HERPUD2: variants seen among roughly 807,000 people sequenced by gnomAD.
HERPUD2 encodes the protein homocysteine-responsive endoplasmic reticulum-resident ubiquitin-like domain member 2 protein.
HERPUD2 carries 13 observed loss-of-function variants against 49.9 expected under a neutral mutation model. That is an observed-to-expected ratio of 0.26 (90% confidence interval 0.17 to 0.41). HERPUD2 has a LOEUF of 0.41. Among genes scored for constraint, HERPUD2 ranks in the 10% least tolerant of loss-of-function variants. The pLI is 1.00. For missense variants in HERPUD2, 449 were observed against 492.2 expected (o/e 0.91, Z 0.83); for synonymous variants, 172 against 171.4 (o/e 1.00, Z -0.03).
At chr7:35,672,929 C>T (rs558594458) in intron 3 of HERPUD2, among the ~76,000 whole-genome samples, 4 of 152,168 alleles carry the variant, frequency 2.6e-5, no homozygotes, top group Admixed American at 1.3e-4. Flanking sequence ...ACACTACTGA[C>T]GTCAATAGCA....
Position 35,638,470 on chromosome 7 carries a change from T to C in HERPUD2, c.497A>G (p.Asn166Ser). ...TTGCCCAGGAAATTGGTTGTCTACA[T>C]TTCTGCAAGAAATAAATAATGAGCT... ...SHQFPYVMQG[N>S]VDNQFPGQAA... is the part of the protein sequence containing the mutation. Residue 166 changes from asparagine (N) to serine (S), a missense_variant and splice_region_variant, in exon 6 of 9, where the codon AAT becomes AGT. Coordinates refer to ENST00000311350, the MANE Select transcript of HERPUD2 (RefSeq NM_022373.5). 1 of 1,611,826 alleles carries C rather than the reference T, an allele frequency of 6.2e-7. No homozygotes were observed. Among genetic ancestry groups the C allele is most frequent in the Non-Finnish European group, 8.5e-7 (1 of 1,178,856 alleles).
At chr7:35,689,558 C>G (rs1397765923) in intron 2 of HERPUD2, among the ~76,000 whole-genome samples, 1 of 152,148 alleles carries the variant, frequency 6.6e-6, no homozygotes, top group Non-Finnish European at 1.5e-5. Context: ...GAAAGTAAGA[C>G]TTCTGATTGC....
chr7:35,663,708 C>T (rs1410345933), intron 5 of HERPUD2, among the ~76,000 whole-genome samples: 1 of 152,122 alleles, frequency 6.6e-6, no homozygotes, highest in African/African-American at 2.4e-5. Context: ...TTATCAGAGA[C>T]TAGGACTGCA....
At chr7:35,634,935 A>T (rs1430818615) in intron 7 of HERPUD2, among the ~76,000 whole-genome samples, 200 bp downstream of exon 7, 1 of 152,214 alleles carries the variant, frequency 6.6e-6, no homozygotes, top group Non-Finnish European at 1.5e-5. Flanking sequence ...GTAAACAAAA[A>T]ATCTGCTTCT....
intron 4 of HERPUD2, among the ~76,000 whole-genome samples, chr7:35,668,101 T>C (rs1221350850): frequency 6.6e-6 from 1 of 152,168 alleles, no homozygotes; most frequent in East Asian, 1.9e-4. Context: ...AGATCTAAAA[T>C]CTAGTGTTAT....
At chr7:35,647,007 T>C (rs1785065987) in intron 5 of HERPUD2, among the ~76,000 whole-genome samples, 2 of 151,982 alleles carry the variant, frequency 1.3e-5, no homozygotes, top group Admixed American at 1.3e-4. Context: ...AAGACTGTCA[T>C]TCACAATTAT....
chr7:35,663,067 G>T (rs1380724930), intron 5 of HERPUD2, among the ~76,000 whole-genome samples: 1 of 152,260 alleles, frequency 6.6e-6, no homozygotes, highest in Non-Finnish European at 1.5e-5. Flanking sequence ...CTGGTATGTT[G>T]TGTCTTTGTT....
At chr7:35,670,171 A>G (rs911486551) in intron 4 of HERPUD2, 44 bp downstream of exon 4, 3 of 1,009,136 alleles carry the variant, frequency 3.0e-6, no homozygotes, top group Admixed American at 2.4e-5. Context: ...CGACGACGAA[A>G]AAAAAAGAAA....
intron 2 of HERPUD2, among the ~76,000 whole-genome samples, chr7:35,681,030 G>A (rs1227730857): frequency 2.0e-5 from 3 of 152,046 alleles, no homozygotes; most frequent in Non-Finnish European, 4.4e-5. Context: ...ACATGTAATC[G>A]TGAAAAACAG....
intron 5 of HERPUD2, among the ~76,000 whole-genome samples, chr7:35,665,923 C>T (rs751377200): frequency 1.3e-5 from 2 of 152,134 alleles, no homozygotes; most frequent in Admixed American, 1.3e-4. Flanking sequence ...AAAATATATT[C>T]ACTGTAAGTA....
At chr7:35,673,169 A>G (rs1163235294) in intron 3 of HERPUD2, 32 bp downstream of exon 3, 2 of 1,514,450 alleles carry the variant, frequency 1.3e-6, no homozygotes, top group Non-Finnish European at 9.1e-7. Flanking sequence ...TTCTGAATGT[A>G]TCTGGTATCA....
chr7:35,664,709 C>T (rs914790662), intron 5 of HERPUD2, among the ~76,000 whole-genome samples: 1 of 152,168 alleles, frequency 6.6e-6, no homozygotes. Context: ...GCATGCATCA[C>T]GTAGTTCTTG....
chr7:35,667,065 C>T (rs1241045188), intron 5 of HERPUD2, among the ~76,000 whole-genome samples: 2 of 152,094 alleles, frequency 1.3e-5, no homozygotes, highest in African/African-American at 2.4e-5. Flanking sequence ...AAATTAGTTA[C>T]GTAGATCCTT....
chr7:35,685,824 C>T (rs956271500), intron 2 of HERPUD2, among the ~76,000 whole-genome samples: 1 of 151,954 alleles, frequency 6.6e-6, no homozygotes, highest in African/African-American at 2.4e-5. Context: ...ACTAAAAATA[C>T]GTGGCAGCAG....
intron 5 of HERPUD2, among the ~76,000 whole-genome samples, chr7:35,653,338 T>G (rs1168267063): frequency 6.6e-6 from 1 of 152,182 alleles, no homozygotes; most frequent in African/African-American, 2.4e-5. Context: ...AAGGTCATTA[T>G]ATAATGATAA....
intron 5 of HERPUD2, among the ~76,000 whole-genome samples, chr7:35,644,423 G>A (rs1209249561): frequency 2.6e-5 from 4 of 152,104 alleles, no homozygotes; most frequent in African/African-American, 7.2e-5. Context: ...TACAGAAAGA[G>A]TATGAAGAAA....
intron 2 of HERPUD2, among the ~76,000 whole-genome samples, chr7:35,674,672 C>A (rs1583563354): frequency 6.6e-6 from 1 of 151,624 alleles, no homozygotes; most frequent in East Asian, 1.9e-4. Context: ...ACCCCCACCC[C>A]CAACCTCCAG....
chr7:35,644,583 C>T (rs1431202362), intron 5 of HERPUD2, among the ~76,000 whole-genome samples: 1 of 152,124 alleles, frequency 6.6e-6, no homozygotes, highest in Non-Finnish European at 1.5e-5. Context: ...GCCTGGCCAA[C>T]ATGGTGAAAC....
At chr7:35,690,449 C>G (rs1786154892) in intron 2 of HERPUD2, among the ~76,000 whole-genome samples, 1 of 152,178 alleles carries the variant, frequency 6.6e-6, no homozygotes, top group Non-Finnish European at 1.5e-5. Context: ...ATCTTTTTAC[C>G]TAATACTGTA....
Sources: gnomAD v4.1 joint callset for allele counts (sites outside exome capture counted in the v4.1 genomes callset) on GRCh38, gnomAD v4.1.1 for gene constraint, MANE v1.5 for transcripts, NCBI Gene and HGNC (gene_info 2026-07-23, HGNC 2026-07-21) for gene names.